The following KCNMB1 variants were observed in gnomAD, a reference collection of about 807,000 sequenced individuals.
KCNMB1 encodes potassium calcium-activated channel subfamily M regulatory beta subunit 1.
Under a neutral mutation model 21.7 loss-of-function variants are expected in KCNMB1, and 22 were observed. That is an observed-to-expected ratio of 1.01 (90% CI 0.72 to 1.45). KCNMB1 has a LOEUF of 1.45. Among genes scored for constraint, KCNMB1 ranks in the 40% most tolerant of loss-of-function variants. The pLI is 0.00. For missense variants in KCNMB1, 243 were observed against 243.4 expected (o/e 1.00, Z 0.01); for synonymous variants, 114 against 107.6 (o/e 1.06, Z -0.37).
At chr5:170,385,580 G>A (rs1193396384) in intron 1 of KCNMB1, 109 bp from the exon 2 acceptor site, 3 of 1,027,066 alleles carry the variant, frequency 2.9e-6, no homozygotes, top group East Asian at 2.6e-5. Flanking sequence ...TATCACTCTT[G>A]TTTATATTTG....
At chr5:170,388,187 A>T (rs1214747564) in intron 1 of KCNMB1, among the ~76,000 whole-genome samples, 2 of 152,194 alleles carry the variant, frequency 1.3e-5, no homozygotes, top group Admixed American at 1.3e-4. Context: ...GAAGTCTGGA[A>T]ACTTGGCTTA....
chr5:170,381,542 A>G (rs1764240819), intron 3 of KCNMB1, among the ~76,000 whole-genome samples: 1 of 152,196 alleles, frequency 6.6e-6, no homozygotes, highest in African/African-American at 2.4e-5. Context: ...CAGCTAGCCC[A>G]CAACCCAGCT....
intron 1 of KCNMB1, among the ~76,000 whole-genome samples, chr5:170,388,212 G>T (rs868781375): frequency 6.6e-6 from 1 of 152,224 alleles, no homozygotes; most frequent in Non-Finnish European, 1.5e-5. Context: ...GGTCTGACCC[G>T]TCTCTAATGG....
chr5:170,378,604 G>T lies in KCNMB1; in HGVS notation c.*100C>A, dbSNP rs767066828. 8.2e-7 allele frequency: 1 copy of T among 1,224,098 alleles called. No individual in the cohort carries two copies. Among genetic ancestry groups the T allele is most frequent in the Non-Finnish European group, 1.1e-6 (1 of 873,110 alleles). 75.8% of individuals were successfully genotyped at this position (1,224,098 alleles called of 1,614,324 possible). ...CGTGGATTGGACTGGAAGAGTGGGA[G>T]GGCAGGTGGAGAAGGCATTGTGCTG... On this transcript the variant is annotated 3_prime_UTR_variant, in exon 4 of 4. Transcript: ENST00000274629.
At chr5:170,386,531 G>A (rs921542968) in intron 1 of KCNMB1, among the ~76,000 whole-genome samples, 2 of 152,128 alleles carry the variant, frequency 1.3e-5, no homozygotes, top group Non-Finnish European at 2.9e-5. Context: ...CTCCTTCCAC[G>A]GCACTTATCT....
chr5:170,379,039 T>A, intron 3 of KCNMB1, 66 bp from the exon 4 acceptor site: 2 of 1,555,372 alleles, frequency 1.3e-6, no homozygotes, highest in East Asian at 4.5e-5. Flanking sequence ...GGGCTTGATA[T>A]GGAGTAAAGA....
chr5:170,376,886 A>AAC lies in KCNMB1; in HGVS notation c.*1816_*1817dup, dbSNP rs1554087412. 1 of 152,252 alleles carries AAC rather than the reference A, an allele frequency of 6.6e-6. No homozygotes were observed. The highest frequency in any genetic ancestry group is 1.5e-5 in the Non-Finnish European group (1 of 68,048). The allele number at this position is 152,252 out of a possible 1,614,324, so 9.4% of individuals were successfully genotyped here. On this transcript the variant is annotated 3_prime_UTR_variant, in exon 4 of 4. Coordinates refer to ENST00000274629, the MANE Select transcript of KCNMB1 (RefSeq NM_004137.4). The stretch of plus-strand genomic sequence containing the variant: ...AACTTAAAATGAAAGTTAAGAAAAA[A>AAC]ACACACACACAAAACAAACAAAAAA...
chr5:170,385,338 G>A lies in KCNMB1; in HGVS notation c.110C>T (p.Thr37Ile). Reference protein sequence around the residue: ...AVITYYILVTTVLPLYQKSVW... With the variant: ...AVITYYILVTIVLPLYQKSVW... The stretch of plus-strand genomic sequence containing the variant: ...CCTTTTCTGGTAGAGGGGCAGCACA[G>A]TCGTGACCAGGATGTAGTAGGTGAT... The change falls in exon 2 of 4, where the codon ACT (threonine) becomes ATT (isoleucine). Residue 37 changes from threonine (T) to isoleucine (I), a missense_variant. Physicochemically the swap from Thr to Ile is moderately conservative, Grantham distance 89 (BLOSUM62 -1). Coordinates refer to ENST00000274629, the MANE Select transcript of KCNMB1 (RefSeq NM_004137.4). The A allele has an allele frequency of 1.2e-6, 2 of 1,614,156 alleles. No homozygotes were observed. The highest frequency in any genetic ancestry group is 4.5e-5 in the East Asian group (2 of 44,872).
chr5:170,380,997 A>G (rs187028592), intron 3 of KCNMB1, among the ~76,000 whole-genome samples: 1 of 152,208 alleles, frequency 6.6e-6, no homozygotes, highest in African/African-American at 2.4e-5. Context: ...GCTATTATTA[A>G]TAATAATATG....
chr5:170,382,110 G>A (rs3804241), intron 3 of KCNMB1, among the ~76,000 whole-genome samples: 2 of 152,170 alleles, frequency 1.3e-5, no homozygotes, highest in African/African-American at 4.8e-5. Context: ...GCCACATCTT[G>A]GTCGTGAGTG....
chr5:170,385,480 A>G lies in KCNMB1; in HGVS notation c.-24-9T>C, dbSNP rs1423026094. 1.9e-6 allele frequency: 3 copies of G among 1,613,394 alleles called. No homozygotes were observed. Among genetic ancestry groups the G allele is most frequent in the African/African-American group, 2.7e-5 (2 of 74,904 alleles). On this transcript the variant is annotated splice_polypyrimidine_tract_variant and intron_variant, in intron 1 of 3. Coordinates refer to ENST00000274629, the MANE Select transcript of KCNMB1 (RefSeq NM_004137.4). ...GGGGGCAGTGATCATTTCTAGGTCC[A>G]CAGAAGCAAACAGAAGTGAGATCAG...
chr5:170,382,855 C>T (rs1340970130), intron 3 of KCNMB1: 1 of 152,370 alleles, frequency 6.6e-6, no homozygotes, highest in East Asian at 1.9e-4. Flanking sequence ...CATGCATGAG[C>T]TCTCTCCTCT....
intron 3 of KCNMB1, among the ~76,000 whole-genome samples, chr5:170,381,855 C>T (rs568864969): frequency 1.6e-4 from 25 of 152,336 alleles, no homozygotes; most frequent in African/African-American, 2.2e-4. Context: ...TGAATGCCAA[C>T]GCAGAGGCAG....
rs775575767 is a variant in KCNMB1 at position 170,385,303 on chromosome 5, G to A, written c.134+11C>T. On this transcript the variant is annotated intron_variant, in intron 2 of 3. Coordinates refer to ENST00000274629, the MANE Select transcript of KCNMB1 (RefSeq NM_004137.4). ...GGGTTGGGGGGTGGGCAGGCCGGGA[G>A]AGCTCAGTACCTTTTCTGGTAGAGG... 2.5e-6 allele frequency: 4 copies of A among 1,614,070 alleles called. No homozygotes were observed. The South Asian group carries it at 3.3e-5, about 13-fold the overall frequency.
chr5:170,388,153 AAGG>A (rs1764561545), intron 1 of KCNMB1, among the ~76,000 whole-genome samples: 1 of 152,248 alleles, frequency 6.6e-6, no homozygotes, highest in Admixed American at 6.5e-5. Context: ...AAGGAAAGGA[AAGG>A]AGAGGCTTCC....
At position 170,383,711 on chromosome 5, in the gene KCNMB1, G is replaced by C. The variant is rs1764347356; in HGVS notation, c.274C>G (p.His92Asp). Residue 92 changes from histidine (H) to aspartate (D), a missense_variant, in exon 3 of 4, where the codon CAC (histidine) becomes GAC (aspartate). Physicochemically the swap from His to Asp is moderately conservative, Grantham distance 81. Coordinates refer to ENST00000274629, the MANE Select transcript of KCNMB1 (RefSeq NM_004137.4). ...SAAGRWAVLY[H>D]TEDTRDQNQQ... ...TTCTGGTCCCGAGTGTCCTCCGTGT[G>C]GTACAGCACAGCCCACCTGCCGGCA... 5.0e-6 allele frequency: 8 copies of C among 1,614,164 alleles called. No individual in the cohort carries two copies. Among genetic ancestry groups the C allele is most frequent in the Non-Finnish European group, 6.8e-6 (8 of 1,180,016 alleles).
chr5:170,379,717 A>T (rs1241845837), intron 3 of KCNMB1, among the ~76,000 whole-genome samples: 1 of 152,194 alleles, frequency 6.6e-6, no homozygotes, highest in Non-Finnish European at 1.5e-5. Flanking sequence ...GGGAAGCCGA[A>T]GGGGAAGGAT....
chr5:170,374,754 G>C lies in KCNMB1; in HGVS notation c.*3950C>G, dbSNP rs1227054866. On this transcript the variant is annotated 3_prime_UTR_variant, in exon 4 of 4. Transcript: ENST00000274629. ...TATTGCAAAAAAACACGTAGGCACA[G>C]GGTCTAACTCCATCATGCCTAAATT... 6.6e-6 allele frequency: 1 copy of C among 152,176 alleles called. No homozygotes were observed. The highest frequency in any genetic ancestry group is 1.5e-5 in the Non-Finnish European group (1 of 68,036). The allele number at this position is 152,176 out of a possible 1,614,324, so 9.4% of individuals were successfully genotyped here.
chr5:170,379,020 C>T (rs1224702673), intron 3 of KCNMB1, 47 bp from the exon 4 acceptor site: 2 of 1,594,190 alleles, frequency 1.3e-6, no homozygotes, highest in South Asian at 1.1e-5. Context: ...ATCCCCATTT[C>T]TTAGCCAAGG....
Sources: allele counts gnomAD v4.1 joint callset (sites outside exome capture counted in the v4.1 genomes callset), GRCh38; gene constraint gnomAD v4.1.1; transcripts MANE v1.5; gene names NCBI Gene and HGNC (gene_info 2026-07-23, HGNC 2026-07-21).